The following PABPC4L variants were observed in gnomAD, a reference collection of about 807,000 sequenced individuals.
PABPC4L encodes polyadenylate-binding protein 4-like.
For missense variants in PABPC4L, 452 were observed against 451.4 expected, an observed-to-expected ratio of 1.00 and a Z score of -0.01; for synonymous variants, 169 against 164.1, an observed-to-expected ratio of 1.03 and a Z score of -0.23.
At chr4:134,032,347 A>G in the PABPC4L span, among the ~76,000 whole-genome samples, 1 of 151,902 alleles carries the variant, frequency 6.6e-6, no homozygotes, top group Non-Finnish European at 1.5e-5. Context: ...TATAAATTCT[A>G]CTAACAAAAG....
chr4:134,008,307 G>T, the PABPC4L span, among the ~76,000 whole-genome samples: 1 of 151,894 alleles, frequency 6.6e-6, no homozygotes, highest in African/African-American at 2.4e-5. Flanking sequence ...GCAGCTTCCT[G>T]AACCATTCCA....
the PABPC4L span, among the ~76,000 whole-genome samples, chr4:134,038,829 C>G: frequency 3.0e-4 from 45 of 152,156 alleles, no homozygotes; most frequent in Middle Eastern, 3.4e-3. Flanking sequence ...TTCTTCAGTT[C>G]TGCTCTGATC....
At chr4:134,042,685 C>T in the PABPC4L span, among the ~76,000 whole-genome samples, 1 of 152,084 alleles carries the variant, frequency 6.6e-6, no homozygotes, top group Non-Finnish European at 1.5e-5. Flanking sequence ...AGTTTTTCTG[C>T]AGCAGAATAG....
At chr4:134,015,040 A>T in the PABPC4L span, among the ~76,000 whole-genome samples, 2 of 151,642 alleles carry the variant, frequency 1.3e-5, no homozygotes, top group Non-Finnish European at 2.9e-5. Flanking sequence ...CTCCTCTTTT[A>T]TCCCCCCACC....
rs1729781084 is a variant in PABPC4L at position 134,199,671 on chromosome 4, G to T, written c.*236C>A. 2 of 493,368 alleles carry T rather than the reference G, an allele frequency of 4.1e-6. No individual in the cohort carries two copies. Among genetic ancestry groups the T allele is most frequent in the Non-Finnish European group, 7.1e-6 (2 of 283,124 alleles). 30.6% of individuals were successfully genotyped at this position (493,368 alleles called of 1,614,324 possible). A position where few individuals can be genotyped will look rare whatever the true frequency, so the allele number is the denominator to read the frequency against. On this transcript the variant is annotated 3_prime_UTR_variant, in exon 2 of 2. Transcript: ENST00000421491. ...TATTGCTATGAACATATCAAAATAA[G>T]AAAAATGTGCAATATTAAAATTAGA...
At chr4:133,977,227 T>G in the PABPC4L span, among the ~76,000 whole-genome samples, 1 of 152,006 alleles carries the variant, frequency 6.6e-6, no homozygotes, top group East Asian at 1.9e-4. Flanking sequence ...TCGTTGGAGA[T>G]GTGTGGTTTT....
At chr4:134,055,415 A>C in the PABPC4L span, among the ~76,000 whole-genome samples, 1 of 151,850 alleles carries the variant, frequency 6.6e-6, no homozygotes, top group Non-Finnish European at 1.5e-5. Context: ...TCGTGTAGGG[A>C]CACAATGAGA....
At chr4:133,966,289 A>G in the PABPC4L span, among the ~76,000 whole-genome samples, 5 of 152,184 alleles carry the variant, frequency 3.3e-5, no homozygotes, top group African/African-American at 1.2e-4. Context: ...AACAATGGCC[A>G]TAATAAAAAA....
the PABPC4L span, among the ~76,000 whole-genome samples, chr4:134,026,627 C>G: frequency 1.8e-4 from 28 of 152,124 alleles, no homozygotes; most frequent in South Asian, 4.8e-3. Context: ...GTGTCCCCCC[C>G]CAAAATTCAT....
the PABPC4L span, among the ~76,000 whole-genome samples, chr4:134,147,157 T>C: frequency 6.6e-6 from 1 of 152,204 alleles, no homozygotes; most frequent in Non-Finnish European, 1.5e-5. Flanking sequence ...TTCATTCATA[T>C]TTGAACTACA....
rs1397838117 is a variant in PABPC4L, at chr4:134,196,562, A to C, written c.*3345T>G. ...AGACGTGGCAATATGTGTGGAGAGA[A>C]GGGTGAAAGTAGAAACAGTGGCTCA... On this transcript the variant is annotated 3_prime_UTR_variant, in exon 2 of 2. Coordinates refer to ENST00000421491, the MANE Select transcript of PABPC4L (RefSeq NM_001114734.2). The C allele has an allele frequency of 1.3e-5, 2 of 151,796 alleles. No homozygotes were observed. Among genetic ancestry groups the C allele is most frequent in the African/African-American group, 4.8e-5 (2 of 41,440 alleles). The allele number at this position is 151,796 out of a possible 1,614,324, so 9.4% of individuals were successfully genotyped here.
the PABPC4L span, among the ~76,000 whole-genome samples, chr4:134,014,520 G>A: frequency 6.6e-6 from 1 of 152,172 alleles, no homozygotes; most frequent in Non-Finnish European, 1.5e-5. Context: ...TGTCCCATCT[G>A]TGTGGGACCC....
At chr4:134,090,435 CA>C in the PABPC4L span, among the ~76,000 whole-genome samples, 1 of 151,716 alleles carries the variant, frequency 6.6e-6, no homozygotes, top group African/African-American at 2.4e-5. Flanking sequence ...TATATTTTTT[CA>C]AATGGCTAAC....
the PABPC4L span, among the ~76,000 whole-genome samples, chr4:133,989,611 A>T: frequency 2.6e-4 from 39 of 152,196 alleles, 1 homozygote; most frequent in East Asian, 7.4e-3. Flanking sequence ...GAGCCCTCCA[A>T]GTCTTTAGGA....
chr4:134,190,720 C>T, the PABPC4L span, among the ~76,000 whole-genome samples: 4 of 151,994 alleles, frequency 2.6e-5, no homozygotes, highest in East Asian at 1.9e-4. Flanking sequence ...GGTGAAATCT[C>T]GGCTCACTGC....
chr4:134,199,760 T>C lies in PABPC4L; in HGVS notation c.*147A>G, dbSNP rs1475804453. Reference sequence around the variant, plus strand: ...TTTCCACAAAAGAAAAAAAATGGCTTTGTATAAAAAACGTTTTATCATAAA... The same window carrying C: ...TTTCCACAAAAGAAAAAAAATGGCTCTGTATAAAAAACGTTTTATCATAAA... On this transcript the variant is annotated 3_prime_UTR_variant, in exon 2 of 2. Transcript: ENST00000421491. The C allele has an allele frequency of 6.6e-6, 7 of 1,058,376 alleles. No individual in the cohort carries two copies. The highest frequency in any genetic ancestry group is 9.1e-6 in the Non-Finnish European group (7 of 768,658). 65.6% of individuals were successfully genotyped at this position (1,058,376 alleles called of 1,614,324 possible).
chr4:134,158,250 T>A, the PABPC4L span, among the ~76,000 whole-genome samples: 1 of 152,144 alleles, frequency 6.6e-6, no homozygotes, highest in South Asian at 2.1e-4. Flanking sequence ...AAACCACTAT[T>A]GATTGTTACT....
chr4:134,011,107 C>T, the PABPC4L span, among the ~76,000 whole-genome samples: 4 of 151,950 alleles, frequency 2.6e-5, no homozygotes, highest in Admixed American at 6.6e-5. Context: ...GTGTTGTATA[C>T]TTTGTTCTAC....
At chr4:134,105,008 G>A in the PABPC4L span, among the ~76,000 whole-genome samples, 1 of 151,664 alleles carries the variant, frequency 6.6e-6, no homozygotes, top group African/African-American at 2.4e-5. Context: ...CCAACAAGAT[G>A]CAGAATGATA....
Sources: gnomAD v4.1 joint callset for allele counts (sites outside exome capture counted in the v4.1 genomes callset) on GRCh38, gnomAD v4.1.1 for gene constraint, MANE v1.5 for transcripts, NCBI Gene and HGNC (gene_info 2026-07-23, HGNC 2026-07-21) for gene names.